BCAP29: variants seen among roughly 807,000 people sequenced by gnomAD.
The protein encoded by BCAP29 is B-cell receptor-associated protein 29.
Under a neutral mutation model 31.8 loss-of-function variants are expected in BCAP29, and 34 were observed. The observed-to-expected ratio is 1.07, with a 90% CI of 0.81 to 1.42. The LOEUF is 1.42. Ranked by LOEUF, BCAP29 falls within the 40% of genes most tolerant of loss-of-function variation. BCAP29 has a pLI of 0.00. For missense variants in BCAP29, 314 were observed against 269.2 expected (o/e 1.17, Z -1.16); for synonymous variants, 104 against 91.3 (o/e 1.14, Z -0.79).
At chr7:107,616,316 A>T (rs1367066371) in intron 7 of BCAP29, 1 of 152,330 alleles carries the variant, frequency 6.6e-6, no homozygotes, top group Non-Finnish European at 1.5e-5. Flanking sequence ...CATAACCCTC[A>T]TCCCTCCAGC....
chr7:107,584,066 G>T, intron 3 of BCAP29, 84 bp downstream of exon 3: 1 of 748,258 alleles, frequency 1.3e-6, no homozygotes, highest in Non-Finnish European at 2.1e-6. Flanking sequence ...TGTTACAATT[G>T]GTGTACAGTT....
At position 107,612,418 on chromosome 7, in the gene BCAP29, TATATATATATA is replaced by T. The variant is rs1563141348; in HGVS notation, c.590-913_590-903del. ...ATATATATATATATATATATATATA[TATATATATATA>T]TATATATATATTTATTTTACTTCTA... On this transcript the variant is annotated intron_variant, in intron 6 of 7. Coordinates refer to ENST00000005259, the MANE Select transcript of BCAP29 (RefSeq NM_018844.4). 2.8e-4 allele frequency among the ~76,000 whole-genome samples: 12 copies of T among 43,266 alleles called. 1 individual carries two copies. The highest frequency in any genetic ancestry group is 3.2e-4 in the Admixed American group (1 of 3,088). 28.4% of individuals were successfully genotyped at this position (43,266 alleles called of 152,430 possible).
intron 6 of BCAP29, among the ~76,000 whole-genome samples, chr7:107,604,011 G>A (rs553482654): frequency 1.3e-5 from 2 of 152,064 alleles, no homozygotes; most frequent in South Asian, 2.1e-4. Flanking sequence ...TGAGGATAAA[G>A]CAAACTTTAA....
intron 3 of BCAP29, among the ~76,000 whole-genome samples, chr7:107,588,683 G>A (rs561825638): frequency 3.9e-5 from 6 of 152,192 alleles, no homozygotes; most frequent in East Asian, 1.9e-4. Context: ...CATAGACAAC[G>A]ATATAGAACT....
At chr7:107,592,842 A>G (rs1352424742) in intron 3 of BCAP29, among the ~76,000 whole-genome samples, 1 of 152,234 alleles carries the variant, frequency 6.6e-6, no homozygotes, top group Non-Finnish European at 1.5e-5. Context: ...AAGAGCAGAT[A>G]GTATATGATT....
Position 107,619,673 on chromosome 7 carries a change from C to A in BCAP29, c.*1310C>A, listed in dbSNP as rs1223321677. 6.6e-6 allele frequency: 1 copy of A among 151,902 alleles called. No homozygotes were observed. Among genetic ancestry groups the A allele is most frequent in the East Asian group, 1.9e-4 (1 of 5,196 alleles). 9.4% of individuals were successfully genotyped at this position (151,902 alleles called of 1,614,324 possible). On this transcript the variant is annotated 3_prime_UTR_variant, in exon 8 of 8. Coordinates refer to ENST00000005259, the MANE Select transcript of BCAP29 (RefSeq NM_018844.4). Reference sequence around the variant, plus strand: ...AGTTAGACCATATGGGCTGACAACACCATAAATAACAAGAAAAGGGAGTGC... The same window carrying A: ...AGTTAGACCATATGGGCTGACAACAACATAAATAACAAGAAAAGGGAGTGC...
intron 5 of BCAP29, among the ~76,000 whole-genome samples, chr7:107,599,542 AAGT>A (rs2129252911): frequency 6.7e-6 from 1 of 149,186 alleles, no homozygotes; most frequent in African/African-American, 2.4e-5. Flanking sequence ...AAAGAAAAAA[AAGT>A]AGCTGCCTGC....
Position 107,618,662 on chromosome 7 carries a change from G to T in BCAP29, c.*299G>T. On this transcript the variant is annotated 3_prime_UTR_variant, in exon 8 of 8. Transcript: ENST00000005259. ...AATAAAAGGAAAAAATTCATTAACC[G>T]GTTGCTTCCAAAATTAGAAGTTTTA... 1 of 1,340,674 alleles carries T rather than the reference G, an allele frequency of 7.5e-7. No individual in the cohort carries two copies. Among genetic ancestry groups the T allele is most frequent in the Non-Finnish European group, 1.0e-6 (1 of 991,572 alleles). The allele number at this position is 1,340,674 out of a possible 1,614,324, so 83.0% of individuals were successfully genotyped here. A position where few individuals can be genotyped will look rare whatever the true frequency, so the allele number is the denominator to read the frequency against.
intron 6 of BCAP29, among the ~76,000 whole-genome samples, chr7:107,611,010 A>G (rs181563276): frequency 1.7e-3 from 259 of 152,262 alleles, no homozygotes; most frequent in African/African-American, 5.9e-3. Context: ...TCAAGGCCCC[A>G]ATAAATTAGG....
intron 7 of BCAP29, chr7:107,613,857 A>G (rs1399038638): frequency 3.0e-6 from 2 of 661,386 alleles, no homozygotes; most frequent in East Asian, 2.9e-5. Flanking sequence ...TTAGCATTCA[A>G]ATTTATCATT....
intron 6 of BCAP29, among the ~76,000 whole-genome samples, chr7:107,612,437 A>ATATATATATATATT (rs771741951): frequency 2.7e-4 from 31 of 113,174 alleles, no homozygotes; most frequent in East Asian, 5.2e-4. Context: ...ATATATATAT[A>ATATATATATATATT]TATTTATTTT....
At chr7:107,587,649 T>C (rs953203690) in intron 3 of BCAP29, 6 of 152,072 alleles carry the variant, frequency 3.9e-5, no homozygotes, top group African/African-American at 1.4e-4. Context: ...TTTCTAAAGA[T>C]CATTTAAGAG....
At chr7:107,621,406 C>T (rs527648316), downstream of BCAP29, 1 of 205,982 alleles carries the variant, frequency 4.9e-6, no homozygotes, top group Non-Finnish European at 9.9e-6. Context: ...GATCTCTACA[C>T]AAACACAACT....
Position 107,613,431 on chromosome 7 carries a change from A to G in BCAP29, c.689A>G (p.Gln230Arg). Residue 230 changes from glutamine (Q) to arginine (R), a missense_variant and splice_region_variant, in exon 7 of 8, where the codon CAG becomes CGG. Coordinates refer to ENST00000005259, the MANE Select transcript of BCAP29 (RefSeq NM_018844.4). ...DQLLKEHSEL[Q>R]DRLERGNKKR... ...CTCCTGAAAGAACACTCTGAACTTC[A>G]GGTGGGTGTGACATGCACTTTATGC... 4 of 1,599,746 alleles carry G rather than the reference A, an allele frequency of 2.5e-6. No homozygotes were observed. The highest frequency in any genetic ancestry group is 3.4e-6 in the Non-Finnish European group (4 of 1,167,962).
intron 6 of BCAP29, among the ~76,000 whole-genome samples, chr7:107,611,199 A>G (rs927334239): frequency 3.3e-5 from 5 of 152,192 alleles, no homozygotes; most frequent in African/African-American, 9.7e-5. Flanking sequence ...ATACGATCAC[A>G]TTGGTAATTA....
chr7:107,605,149 G>C lies in BCAP29; in HGVS notation c.589+4644G>C, dbSNP rs550256183. ...TCCCTTTCTTGTGAGCTTCTTATCT[G>C]TTATCAAGGCCTATACTCATAAACT... is the stretch of plus-strand genomic sequence containing the variant. On this transcript the variant is annotated intron_variant, in intron 6 of 7. Coordinates refer to ENST00000005259, the MANE Select transcript of BCAP29 (RefSeq NM_018844.4). 9.9e-5 allele frequency among the ~76,000 whole-genome samples: 15 copies of C among 152,214 alleles called. No individual in the cohort carries two copies. In the East Asian group the frequency reaches 1.4e-3, roughly 14 times the overall value.
chr7:107,591,316 A>T (rs958962795), intron 3 of BCAP29, among the ~76,000 whole-genome samples: 1 of 152,222 alleles, frequency 6.6e-6, no homozygotes, highest in African/African-American at 2.4e-5. Flanking sequence ...CTTTACAAAT[A>T]ACAAAATTGG....
At position 107,580,796 on chromosome 7, in the gene BCAP29, G is replaced by A. The variant is rs1479356717; in HGVS notation, c.24G>A (p.Val8=). 1.3e-6 allele frequency: 2 copies of A among 1,599,064 alleles called. No homozygotes were observed. Among genetic ancestry groups the A allele is most frequent in the East Asian group, 2.3e-5 (1 of 43,224 alleles). Residue 8 remains valine, a synonymous_variant, in exon 2 of 8, where the codon GTG becomes GTA. Transcript: ENST00000005259. ...AAATGACACTCCAATGGGCTGCAGT[G>A]GCAACCTTTCTTTATGCCGAAATAG... The part of the protein sequence containing the change: MTLQWAA[V]ATFLYAEIGL...
At chr7:107,585,960 C>CA (rs1246188740) in intron 3 of BCAP29, among the ~76,000 whole-genome samples, 3 of 152,010 alleles carry the variant, frequency 2.0e-5, no homozygotes, top group African/African-American at 7.3e-5. Context: ...CATTGCACTG[C>CA]AGCCTGGGTG....
Sources: gnomAD v4.1 joint callset for allele counts (sites outside exome capture counted in the v4.1 genomes callset) on GRCh38, gnomAD v4.1.1 for gene constraint, MANE v1.5 for transcripts, NCBI Gene and HGNC (gene_info 2026-07-23, HGNC 2026-07-21) for gene names.